PTPRG: variants seen among roughly 807,000 people sequenced by gnomAD.
PTPRG encodes the protein protein tyrosine phosphatase receptor type G, also known as receptor-type tyrosine-protein phosphatase gamma.
Under a neutral mutation model 165.3 loss-of-function variants are expected in PTPRG, and 102 were observed. That is an observed-to-expected ratio of 0.62 (90% CI 0.53 to 0.73). PTPRG has a LOEUF of 0.73. Among genes scored for constraint, PTPRG ranks in the 30% least tolerant of loss-of-function variants. The pLI, the probability that PTPRG is intolerant of heterozygous loss-of-function variation, is 0.00. For missense variants in PTPRG, 1,866 were observed against 1,861.4 expected (o/e 1.00, Z -0.05); for synonymous variants, 675 against 669.5 (o/e 1.01, Z -0.13).
At chr3:61,976,967 C>T (rs757385791) in intron 2 of PTPRG, among the ~76,000 whole-genome samples, 10 of 151,954 alleles carry the variant, frequency 6.6e-5, no homozygotes, top group African/African-American at 1.2e-4. Flanking sequence ...TGAGCCACCG[C>T]GCCCAGCTTA....
chr3:62,231,596 TTG>T (rs1313876957), intron 14 of PTPRG, among the ~76,000 whole-genome samples: 1 of 152,088 alleles, frequency 6.6e-6, no homozygotes, highest in Admixed American at 6.5e-5. Flanking sequence ...TGCTCTATGT[TTG>T]TGTGTCTGTA....
intron 10 of PTPRG, among the ~76,000 whole-genome samples, chr3:62,200,613 C>G (rs998254676): frequency 6.6e-6 from 1 of 151,872 alleles, no homozygotes. Context: ...TGTATTTTAC[C>G]GTAATCTTAA....
chr3:62,095,299 A>G (rs1333201826), intron 5 of PTPRG, among the ~76,000 whole-genome samples: 1 of 152,196 alleles, frequency 6.6e-6, no homozygotes, highest in Non-Finnish European at 1.5e-5. Context: ...CAGTGAGGCA[A>G]AGGAAGAATG....
chr3:61,601,796 C>A (rs1458462375), intron 1 of PTPRG, among the ~76,000 whole-genome samples: 1 of 152,144 alleles, frequency 6.6e-6, no homozygotes, highest in Non-Finnish European at 1.5e-5. Flanking sequence ...TCATGGAAAT[C>A]AGGAATTGGG....
intron 2 of PTPRG, among the ~76,000 whole-genome samples, chr3:61,918,875 CA>C (rs1381903264): frequency 6.6e-6 from 1 of 152,144 alleles, no homozygotes; most frequent in African/African-American, 2.4e-5. Context: ...CACTGTGAGT[CA>C]AAAGGCTACC....
At chr3:62,074,835 G>A (rs1212827744) in intron 4 of PTPRG, among the ~76,000 whole-genome samples, 1 of 152,050 alleles carries the variant, frequency 6.6e-6, no homozygotes, top group East Asian at 1.9e-4. Flanking sequence ...TAAAATTGAT[G>A]GTAGCTACCC....
At chr3:61,879,491 G>A (rs1387800239) in intron 2 of PTPRG, among the ~76,000 whole-genome samples, 1 of 151,664 alleles carries the variant, frequency 6.6e-6, no homozygotes, top group African/African-American at 2.4e-5. Context: ...AAACGAAATT[G>A]TTTTCTTAAT....
At chr3:62,083,171 T>C (rs1374673915) in intron 5 of PTPRG, among the ~76,000 whole-genome samples, 3 of 152,220 alleles carry the variant, frequency 2.0e-5, no homozygotes, top group Non-Finnish European at 4.4e-5. Context: ...TTCTCTACTG[T>C]CAACCTAATT....
intron 8 of PTPRG, among the ~76,000 whole-genome samples, chr3:62,189,011 C>T (rs1699736387): frequency 6.6e-6 from 1 of 152,060 alleles, no homozygotes; most frequent in Non-Finnish European, 1.5e-5. Flanking sequence ...TATTTAAAAA[C>T]AGTAGGTTGG....
chr3:62,023,252 T>C (rs1355038390), intron 4 of PTPRG, among the ~76,000 whole-genome samples: 1 of 152,162 alleles, frequency 6.6e-6, no homozygotes, highest in Non-Finnish European at 1.5e-5. Context: ...TGTGGTTGTC[T>C]CCCACATAAT....
intron 1 of PTPRG, among the ~76,000 whole-genome samples, chr3:61,736,548 T>C (rs1236354438): frequency 6.6e-6 from 1 of 152,108 alleles, no homozygotes; most frequent in Non-Finnish European, 1.5e-5. Context: ...AAAAATAATA[T>C]CAAAAGAAAT....
intron 13 of PTPRG, among the ~76,000 whole-genome samples, chr3:62,226,117 C>T (rs1022070295): frequency 1.3e-5 from 2 of 152,216 alleles, no homozygotes; most frequent in African/African-American, 2.4e-5. Flanking sequence ...ATCCCCAAGT[C>T]GCAGCGTTAA....
At chr3:61,664,999 A>C (rs1214115634) in intron 1 of PTPRG, among the ~76,000 whole-genome samples, 1 of 152,130 alleles carries the variant, frequency 6.6e-6, no homozygotes, top group Non-Finnish European at 1.5e-5. Context: ...TTTCTGATAA[A>C]TCTTACTGTC....
intron 1 of PTPRG, among the ~76,000 whole-genome samples, chr3:61,682,926 C>T (rs1703501343): frequency 2.0e-5 from 3 of 152,212 alleles, no homozygotes; most frequent in Admixed American, 2.0e-4. Context: ...GAAGACAAAG[C>T]TGAACATATG....
At chr3:61,679,953 A>G (rs1352225229) in intron 1 of PTPRG, among the ~76,000 whole-genome samples, 2 of 152,128 alleles carry the variant, frequency 1.3e-5, no homozygotes, top group Non-Finnish European at 2.9e-5. Flanking sequence ...CTTTTCTTCA[A>G]CTGCCCCGCT....
intron 16 of PTPRG, among the ~76,000 whole-genome samples, chr3:62,257,355 T>C: frequency 6.6e-6 from 1 of 152,118 alleles, no homozygotes; most frequent in East Asian, 1.9e-4. Flanking sequence ...AGAAAAAGAT[T>C]TTGTGTAATT....
At chr3:61,645,865 T>C (rs544007798) in intron 1 of PTPRG, among the ~76,000 whole-genome samples, 2 of 152,216 alleles carry the variant, frequency 1.3e-5, no homozygotes, top group South Asian at 2.1e-4. Flanking sequence ...CCAGTGATCC[T>C]GGGAGCTGAG....
intron 2 of PTPRG, among the ~76,000 whole-genome samples, chr3:61,773,968 T>G (rs544022422): frequency 6.6e-6 from 1 of 152,028 alleles, no homozygotes; most frequent in African/African-American, 2.4e-5. Context: ...AGAGATGGGG[T>G]TTCACCACAT....
chr3:62,242,261 G>T (rs556767806), intron 14 of PTPRG, among the ~76,000 whole-genome samples: 7 of 152,292 alleles, frequency 4.6e-5, no homozygotes, highest in African/African-American at 1.7e-4. Flanking sequence ...AGGCAGCTAC[G>T]CAAAGAGTGA....
Sources: gnomAD v4.1 joint callset for allele counts (sites outside exome capture counted in the v4.1 genomes callset) on GRCh38, gnomAD v4.1.1 for gene constraint, MANE v1.5 for transcripts, NCBI Gene and HGNC (gene_info 2026-07-23, HGNC 2026-07-21) for gene names.